Variants in SHANK2 observed in about 807,000 individuals in gnomAD.
SHANK2 encodes the protein SH3 and multiple ankyrin repeat domains protein 2.
Under a neutral mutation model 133.7 loss-of-function variants are expected in SHANK2, and 43 were observed. The observed-to-expected ratio is 0.32, with a 90% confidence interval of 0.25 to 0.41. The LOEUF (loss-of-function observed/expected upper bound fraction) is 0.41. Ranked by LOEUF, SHANK2 falls within the 10% of genes least tolerant of loss-of-function variation. The pLI is 1.00. For missense variants in SHANK2, 1,994 were observed against 2,235.8 expected, an observed-to-expected ratio of 0.89 and a Z score of 2.18; for synonymous variants, 1,017 against 952.8, an observed-to-expected ratio of 1.07 and a Z score of -1.24.
chr11:70,564,409 C>T (rs1169732149), intron 17 of SHANK2, among the ~76,000 whole-genome samples: 1 of 152,172 alleles, frequency 6.6e-6, no homozygotes, highest in African/African-American at 2.4e-5. Flanking sequence ...CAGGCACCCA[C>T]CACCATGCCC....
chr11:71,179,230 CCAAGTGTGATTTTGAT>C (rs1230879291), intron 2 of SHANK2, among the ~76,000 whole-genome samples: 6 of 152,092 alleles, frequency 3.9e-5, no homozygotes, highest in Non-Finnish European at 8.8e-5. Context: ...TATTTCATAA[CCAAGTGTGATTTTGAT>C]CAGGAACTGA....
chr11:71,228,865 A>G (rs1222627478), intron 1 of SHANK2, among the ~76,000 whole-genome samples: 4 of 152,220 alleles, frequency 2.6e-5, no homozygotes, highest in Non-Finnish European at 1.5e-5. Context: ...AGTAACAAAT[A>G]GAGTTCAGCA....
In SHANK2 at chr11:71,193,666, C is replaced by G. The variant is rs116083579; in HGVS notation, c.-13+31031G>C. On this transcript the variant is annotated intron_variant, in intron 2 of 25. Transcript: ENST00000601538. ...CCTGCTCCGGCCCTGGGCACCTGCA[C>G]GAGTTGGCCAGGGCTGCTATGGCAA... is the stretch of plus-strand genomic sequence containing the variant. 6.7e-3 allele frequency among the ~76,000 whole-genome samples: 1,019 copies of G among 152,278 alleles called. 10 individuals carry two copies. Among genetic ancestry groups the G allele is most frequent in the African/African-American group, 0.024 (986 of 41,552 alleles).
At chr11:70,599,295 A>G (rs2060444482) in intron 17 of SHANK2, among the ~76,000 whole-genome samples, 1 of 152,148 alleles carries the variant, frequency 6.6e-6, no homozygotes, top group Non-Finnish European at 1.5e-5. Context: ...TTGTGGAGAT[A>G]CTTAAAAAAC....
chr11:70,916,590 A>G (rs1377556955), intron 10 of SHANK2, among the ~76,000 whole-genome samples: 2 of 152,202 alleles, frequency 1.3e-5, no homozygotes, highest in East Asian at 3.9e-4. Context: ...CTAATGGAGC[A>G]TGATTCACCG....
At chr11:70,925,830 T>A (rs1950419809) in intron 10 of SHANK2, among the ~76,000 whole-genome samples, 1 of 152,136 alleles carries the variant, frequency 6.6e-6, no homozygotes, top group Non-Finnish European at 1.5e-5. Context: ...AATACAAAAT[T>A]AGCAATACTG....
At chr11:70,778,866 C>T (rs560049252) in intron 14 of SHANK2, among the ~76,000 whole-genome samples, 9 of 152,290 alleles carry the variant, frequency 5.9e-5, no homozygotes, top group South Asian at 2.1e-4. Flanking sequence ...CGTGAATGTC[C>T]GGGCCATGTC....
intron 7 of SHANK2, among the ~76,000 whole-genome samples, chr11:71,093,745 C>G (rs1374600015): frequency 2.6e-5 from 4 of 152,162 alleles, no homozygotes; most frequent in African/African-American, 9.7e-5. Context: ...TTACTCCGAT[C>G]TCACATTTCT....
At chr11:71,091,050 G>A (rs1270880877) in intron 8 of SHANK2, among the ~76,000 whole-genome samples, 1 of 151,948 alleles carries the variant, frequency 6.6e-6, no homozygotes, top group African/African-American at 2.4e-5. Context: ...CAAATATCTA[G>A]GAGCTAGAGC....
At chr11:70,764,025 T>G in intron 14 of SHANK2, among the ~76,000 whole-genome samples, 1 of 115,822 alleles carries the variant, frequency 8.6e-6, no homozygotes, top group South Asian at 3.8e-4. Context: ...TTTCCATTGC[T>G]CAAACTATCT....
intron 14 of SHANK2, among the ~76,000 whole-genome samples, chr11:70,734,303 T>C (rs1008768036): frequency 2.6e-5 from 4 of 152,178 alleles, no homozygotes; most frequent in African/African-American, 7.2e-5. Context: ...TGAGCAGGGA[T>C]TGAACGGGCA....
intron 14 of SHANK2, among the ~76,000 whole-genome samples, chr11:70,710,854 G>A (rs1248076235): frequency 8.5e-5 from 13 of 152,312 alleles, no homozygotes; most frequent in Non-Finnish European, 1.2e-4. Flanking sequence ...CCTCGGGGTC[G>A]GGGGTGTGAG....
At chr11:70,808,963 T>C (rs781810508) in intron 12 of SHANK2, among the ~76,000 whole-genome samples, 3 of 152,190 alleles carry the variant, frequency 2.0e-5, no homozygotes, top group Admixed American at 6.5e-5. Context: ...TCTTGCTGTA[T>C]GTCATTGATT....
At chr11:70,851,084 G>T in intron 11 of SHANK2, among the ~76,000 whole-genome samples, 1 of 152,176 alleles carries the variant, frequency 6.6e-6, no homozygotes, top group South Asian at 2.1e-4. Context: ...TCAGTCCCTG[G>T]TGAGAATTCC....
chr11:71,211,305 G>A (rs78484505), intron 2 of SHANK2, among the ~76,000 whole-genome samples: 5 of 149,766 alleles, frequency 3.3e-5, no homozygotes, highest in South Asian at 2.1e-4. Context: ...TTGGGAGGCC[G>A]AGGAGGTCAG....
At chr11:70,716,904 C>CG (rs1381044805) in intron 14 of SHANK2, among the ~76,000 whole-genome samples, 1 of 150,938 alleles carries the variant, frequency 6.6e-6, no homozygotes, top group Admixed American at 6.6e-5. Context: ...AGCCCCCCCC[C>CG]CGCCCAACTG....
chr11:71,131,724 C>G (rs782736202), intron 3 of SHANK2, among the ~76,000 whole-genome samples: 5 of 152,096 alleles, frequency 3.3e-5, no homozygotes, highest in Non-Finnish European at 7.3e-5. Context: ...CCTTTAGAAG[C>G]AATAAATTGA....
intron 14 of SHANK2, among the ~76,000 whole-genome samples, chr11:70,767,055 C>T (rs1947138028): frequency 6.6e-6 from 1 of 152,194 alleles, no homozygotes. Flanking sequence ...AGACAGGGTC[C>T]CTGCCCCAAG....
rs553807571 is a variant in SHANK2 at position 70,739,306 on chromosome 11, C to T, written c.1778-40543G>A. ...CCCATCTCCACTCATCTCCACCCATCTCCACACATCTCCACACATCTCCAC... is the reference window on the plus strand; with the variant it reads ...CCCATCTCCACTCATCTCCACCCATTTCCACACATCTCCACACATCTCCAC... On this transcript the variant is annotated intron_variant, in intron 14 of 25. Transcript: ENST00000601538. The surrounding 1 kb of genome is among the most constrained non-coding windows in gnomAD (Gnocchi z 4.3). Among the ~76,000 whole-genome samples the T allele has an allele frequency of 4.3e-3, 657 of 151,760 alleles. 5 individuals carry two copies. Among genetic ancestry groups the T allele is most frequent in the African/African-American group, 0.015 (624 of 41,424 alleles).
Sources: allele counts gnomAD v4.1 joint callset (sites outside exome capture counted in the v4.1 genomes callset), GRCh38; gene constraint gnomAD v4.1.1; non-coding constraint Gnocchi (gnomAD v3.1); transcripts MANE v1.5; gene names NCBI Gene and HGNC (gene_info 2026-07-23, HGNC 2026-07-21).